C11orf65: variants seen among roughly 807,000 people sequenced by gnomAD.
C11orf65 encodes chromosome 11 open reading frame 65.
A neutral mutation model predicts 35.3 loss-of-function variants in C11orf65; 38 were observed. The ratio of observed to expected loss-of-function variants is 1.08; its 90% CI spans 0.83 to 1.41. C11orf65 has a LOEUF of 1.41. Ranked by LOEUF, C11orf65 falls within the 40% of genes most tolerant of loss-of-function variation. The pLI is 0.00. For missense variants in C11orf65, 370 were observed against 367.1 expected (o/e 1.01, Z -0.06); for synonymous variants, 105 against 114.4 (o/e 0.92, Z 0.53).
chr11:108,410,853 C>G (rs1483932428), intron 3 of C11orf65, among the ~76,000 whole-genome samples: 2 of 151,736 alleles, frequency 1.3e-5, no homozygotes, highest in African/African-American at 4.8e-5. Flanking sequence ...GGATTACAGG[C>G]ACACGCAACC....
At chr11:108,378,934 C>A (rs2091799066), downstream of C11orf65, among the ~76,000 whole-genome samples, 1 of 151,840 alleles carries the variant, frequency 6.6e-6, no homozygotes, top group Non-Finnish European at 1.5e-5. Context: ...TGAGATACAT[C>A]TCACACCAGT....
At chr11:108,412,098 G>C (rs1337583874) in intron 3 of C11orf65, among the ~76,000 whole-genome samples, 2 of 151,954 alleles carry the variant, frequency 1.3e-5, no homozygotes, top group East Asian at 3.9e-4. Flanking sequence ...ATTAAAGTTT[G>C]CATGATGTAT....
At chr11:108,417,286 TAATC>T (rs925175270) in intron 3 of C11orf65, among the ~76,000 whole-genome samples, 11 of 152,236 alleles carry the variant, frequency 7.2e-5, no homozygotes, top group African/African-American at 2.4e-4. Context: ...CTCACACCTG[TAATC>T]CCAGCACTTT....
intron 3 of C11orf65, among the ~76,000 whole-genome samples, chr11:108,430,068 G>A (rs1445666688): frequency 4.6e-5 from 7 of 151,882 alleles, no homozygotes; most frequent in Non-Finnish European, 8.8e-5. Context: ...ATGGGTGGTG[G>A]TGATGGTTGG....
At chr11:108,384,624 T>C (rs1036494759) in intron 8 of C11orf65, among the ~76,000 whole-genome samples, 2 of 151,648 alleles carry the variant, frequency 1.3e-5, no homozygotes, top group Admixed American at 6.6e-5. Context: ...AATACAAAAA[T>C]TAGCTGGGCA....
intron 2 of C11orf65, among the ~76,000 whole-genome samples, chr11:108,357,217 G>T (rs555533784): frequency 6.6e-6 from 1 of 152,202 alleles, no homozygotes; most frequent in African/African-American, 2.4e-5. Context: ...ACTCCCACCC[G>T]AATATTGCGC....
At chr11:108,349,277 C>G (rs1405197432) in intron 2 of C11orf65, among the ~76,000 whole-genome samples, 1 of 152,154 alleles carries the variant, frequency 6.6e-6, no homozygotes, top group Non-Finnish European at 1.5e-5. Flanking sequence ...AGTAATCAAT[C>G]CTAGAGGCCT....
chr11:108,411,987 G>C (rs1038674465), intron 3 of C11orf65, among the ~76,000 whole-genome samples: 3 of 152,048 alleles, frequency 2.0e-5, no homozygotes, highest in Non-Finnish European at 4.4e-5. Flanking sequence ...CGTTGGCCAA[G>C]CTGGTCTCGA....
Position 108,365,216 on chromosome 11 carries a change from C to T in C11orf65, c.226+27992G>A, listed in dbSNP as rs771675608. 6.2e-7 allele frequency: 1 copy of T among 1,614,202 alleles called. No homozygotes were observed. The highest frequency in any genetic ancestry group is 8.5e-7 in the Non-Finnish European group (1 of 1,180,032). On this transcript the variant is annotated intron_variant, in intron 2 of 3. Transcript: ENST00000524755. Reference sequence around the variant, plus strand: ...ATGACCAAGAATGCAAACGAAATCTCAGGTGAGCAGTATTTTAAGAAGGTC... The same window carrying T: ...ATGACCAAGAATGCAAACGAAATCTTAGGTGAGCAGTATTTTAAGAAGGTC...
At chr11:108,446,321 A>G (rs1469516720) in intron 2 of C11orf65, among the ~76,000 whole-genome samples, 2 of 151,470 alleles carry the variant, frequency 1.3e-5, no homozygotes, top group East Asian at 3.9e-4. Context: ...ACTCCAAGAC[A>G]CATAATTGTC....
chr11:108,347,443 A>G, intron 2 of C11orf65: 1 of 1,176,062 alleles, frequency 8.5e-7, no homozygotes, highest in African/African-American at 1.5e-5. Context: ...CTACCAAGAT[A>G]TTACAAATAT....
upstream of C11orf65, among the ~76,000 whole-genome samples, chr11:108,467,683 C>G (rs926269177): frequency 6.6e-6 from 1 of 152,088 alleles, no homozygotes; most frequent in Non-Finnish European, 1.5e-5. Context: ...TTTCGATTGT[C>G]AGTGGCTTTG....
intron 3 of C11orf65, among the ~76,000 whole-genome samples, chr11:108,421,433 A>G (rs924995265): frequency 4.6e-5 from 7 of 152,146 alleles, no homozygotes; most frequent in Non-Finnish European, 1.0e-4. Context: ...AGGCGAGCGG[A>G]TCACTTGAGG....
chr11:108,405,324 AC>A lies in C11orf65; in HGVS notation c.560+104del, dbSNP rs200685047. ...CGTTTGGGTCAGGGTCTGCGGGCAG[AC>A]CCCCTGCAGCTAATGCCCTCTTGTG... On this transcript the variant is annotated intron_variant, in intron 6 of 8. Transcript: ENST00000393084. The A allele has an allele frequency of 3.6e-3, 4,187 of 1,158,204 alleles. 90 individuals carry two copies. In the African/African-American group the frequency reaches 0.046, roughly 13 times the overall value. 71.7% of individuals were successfully genotyped at this position (1,158,204 alleles called of 1,614,324 possible).
At chr11:108,367,340 A>C (rs1272096089) in intron 2 of C11orf65, 1 of 184,982 alleles carries the variant, frequency 5.4e-6, no homozygotes, top group African/African-American at 2.3e-5. Flanking sequence ...AAGTTCTGCT[A>C]TGTATTTAAA....
At chr11:108,329,641 G>A (rs1802513896), downstream of C11orf65, among the ~76,000 whole-genome samples, 1 of 152,100 alleles carries the variant, frequency 6.6e-6, no homozygotes. Flanking sequence ...AAACTCATGG[G>A]CTCAAACGAT....
intron 2 of C11orf65, among the ~76,000 whole-genome samples, chr11:108,352,028 A>AGGT (rs940419394): frequency 2.0e-5 from 3 of 152,162 alleles, no homozygotes; most frequent in Non-Finnish European, 4.4e-5. Flanking sequence ...AGCAGTAACA[A>AGGT]GGTGGTGACT....
chr11:108,355,712 C>A (rs1296113257), intron 2 of C11orf65: 1 of 152,180 alleles, frequency 6.6e-6, no homozygotes, highest in Non-Finnish European at 1.5e-5. Flanking sequence ...CAAATTCAAA[C>A]CAGGTTTCTA....
At chr11:108,325,524 A>T (rs1159290586) in intron 6 of C11orf65, 1 of 1,604,374 alleles carries the variant, frequency 6.2e-7, no homozygotes, top group Non-Finnish European at 8.5e-7. Context: ...TATACTGGCC[A>T]GAACTTTCAA....
Sources: gnomAD v4.1 joint callset for allele counts (sites outside exome capture counted in the v4.1 genomes callset) on GRCh38, gnomAD v4.1.1 for gene constraint, MANE v1.5 for transcripts, NCBI Gene and HGNC (gene_info 2026-07-23, HGNC 2026-07-21) for gene names.